Variants in PLCG2 observed in about 807,000 individuals in gnomAD.
PLCG2 encodes phospholipase C gamma 2.
Under a neutral mutation model 175.6 loss-of-function variants are expected in PLCG2, and 69 were observed. That is an observed-to-expected ratio of 0.39 (90% confidence interval 0.32 to 0.48). PLCG2 has a LOEUF of 0.48. Ranked by LOEUF, PLCG2 falls within the 20% of genes least tolerant of loss-of-function variation. The pLI is 0.91. For missense variants in PLCG2, 1,798 were observed against 1,650.9 expected, an observed-to-expected ratio of 1.09 and a Z score of -1.54; for synonymous variants, 827 against 624.0, an observed-to-expected ratio of 1.33 and a Z score of -4.85.
chr16:81,790,110 A>G (rs192661383), intron 2 of PLCG2, among the ~76,000 whole-genome samples: 20 of 152,170 alleles, frequency 1.3e-4, no homozygotes, highest in Non-Finnish European at 2.9e-4. Context: ...CCACAGGCTC[A>G]TGGTTGGGAA....
chr16:81,804,593 C>A (rs1236439439), intron 2 of PLCG2, among the ~76,000 whole-genome samples: 3 of 152,192 alleles, frequency 2.0e-5, no homozygotes, highest in Non-Finnish European at 4.4e-5. Flanking sequence ...AAGTTAGTAA[C>A]CTGTCTTAGT....
intron 2 of PLCG2, among the ~76,000 whole-genome samples, chr16:81,810,440 A>G (rs975844165): frequency 3.3e-5 from 5 of 152,036 alleles, no homozygotes; most frequent in African/African-American, 1.2e-4. Flanking sequence ...GCTCCAACTT[A>G]TTTGCAACCT....
At chr16:81,907,634 G>T in intron 15 of PLCG2, 51 bp from the exon 16 acceptor site, 4 of 1,355,800 alleles carry the variant, frequency 3.0e-6, no homozygotes, top group Non-Finnish European at 4.2e-6. Flanking sequence ...GGGCTCCACA[G>T]TTGATGAGGT....
At chr16:81,936,813 GC>G (rs1910734757) in intron 27 of PLCG2, among the ~76,000 whole-genome samples, 1 of 152,158 alleles carries the variant, frequency 6.6e-6, no homozygotes, top group South Asian at 2.1e-4. Context: ...GGGGCTTTGT[GC>G]TTTTGTTGTT....
chr16:81,935,920 A>AG (rs1425216425), intron 26 of PLCG2: 9 of 984,820 alleles, frequency 9.1e-6, no homozygotes, highest in Non-Finnish European at 1.1e-5. Flanking sequence ...TAAAAAAAAA[A>AG]GTAAATTACA....
intron 31 of PLCG2, among the ~76,000 whole-genome samples, chr16:81,953,540 A>C (rs1911451071): frequency 1.3e-5 from 2 of 152,322 alleles, no homozygotes; most frequent in African/African-American, 2.4e-5. Context: ...AGTGCCATAA[A>C]GATTTTGTCT....
chr16:81,778,028 A>AAAC (rs1555505428), upstream of PLCG2, among the ~76,000 whole-genome samples: 112 of 63,644 alleles, frequency 1.8e-3, 2 homozygotes, highest in African/African-American at 8.3e-3. Flanking sequence ...AAAAAAAAAA[A>AAAC]AAACAAAAAA....
At position 81,779,888 on chromosome 16, in the gene PLCG2, C is replaced by T. The variant is rs556508609; in HGVS notation, c.-48+464C>T. On this transcript the variant is annotated intron_variant, in intron 1 of 32. Transcript: ENST00000564138. Reference sequence around the variant, plus strand: ...CGGGTGGGAGCGATACCGCGGGAGGCGCAGTCCTTCCCGGAGACTTTTGGA... The same window carrying T: ...CGGGTGGGAGCGATACCGCGGGAGGTGCAGTCCTTCCCGGAGACTTTTGGA... 2.6e-5 allele frequency among the ~76,000 whole-genome samples: 4 copies of T among 152,340 alleles called. No individual in the cohort carries two copies. In the East Asian group the frequency reaches 5.8e-4, roughly 22 times the overall value.
intron 1 of PLCG2, among the ~76,000 whole-genome samples, chr16:81,781,013 G>C (rs1405480152): frequency 1.3e-5 from 2 of 149,256 alleles, no homozygotes; most frequent in Admixed American, 6.8e-5. Flanking sequence ...GGTGACAAGA[G>C]AGACTCCATC....
At chr16:81,746,439 A>T (rs1567691871) in intron 1 of PLCG2, among the ~76,000 whole-genome samples, 1 of 152,218 alleles carries the variant, frequency 6.6e-6, no homozygotes, top group African/African-American at 2.4e-5. Flanking sequence ...GCTGGGGCAG[A>T]GTGAGCACCC....
At chr16:81,877,948 T>C (rs1033626806) in intron 7 of PLCG2, among the ~76,000 whole-genome samples, 1 of 148,342 alleles carries the variant, frequency 6.7e-6, no homozygotes, top group Admixed American at 6.8e-5. Context: ...CTTCTCTGTC[T>C]CCAAATCTCC....
intron 5 of PLCG2, among the ~76,000 whole-genome samples, chr16:81,865,629 G>C (rs180870043): frequency 1.9e-4 from 29 of 152,336 alleles, no homozygotes; most frequent in African/African-American, 7.0e-4. Context: ...CCTTTGCCCT[G>C]CTGCTGTCTG....
rs148759709 is a variant in PLCG2 at position 81,882,138 on chromosome 16, C to G, written c.693-1131C>G. Among the ~76,000 whole-genome samples the G allele has an allele frequency of 5.8e-3, 882 of 152,270 alleles. 9 individuals are homozygous for G. The highest frequency in any genetic ancestry group is 0.02 in the African/African-American group (838 of 41,550). On this transcript the variant is annotated intron_variant, in intron 8 of 32. Transcript: ENST00000564138. ...GAAATAGACCTCTTTTCCCCAGGCT[C>G]CTGCAAGTGCTCAGGGAAACATACC...
At chr16:81,906,577 C>A (rs1909378453) in intron 15 of PLCG2, among the ~76,000 whole-genome samples, 1 of 152,198 alleles carries the variant, frequency 6.6e-6, no homozygotes, top group Non-Finnish European at 1.5e-5. Flanking sequence ...ATGTGCACCA[C>A]CATGCCCTGC....
Position 81,939,942 on chromosome 16 carries a change from T to G in PLCG2, c.3364T>G (p.Phe1122Val), listed in dbSNP as rs764898041. ...GGCTCCAACACAGGAGAAGGTGACATTTGAAATTTATGACCCAAACCTGGC... is the reference window on the plus strand; with the variant it reads ...GGCTCCAACACAGGAGAAGGTGACAGTTGAAATTTATGACCCAAACCTGGC... The part of the protein sequence containing the change: ...IWAPTQEKVT[F>V]EIYDPNLAFL... Residue 1122 changes from phenylalanine (F) to valine (V), a missense_variant, in exon 30 of 33, where the codon TTT (phenylalanine) becomes GTT (valine). Physicochemically the swap from Phe to Val is conservative, Grantham distance 50. Transcript: ENST00000564138. 1 of 1,613,954 alleles carries G rather than the reference T, an allele frequency of 6.2e-7. No homozygotes were observed. The highest frequency in any genetic ancestry group is 2.2e-5 in the East Asian group (1 of 44,872).
chr16:81,793,429 G>A (rs1244126855), intron 2 of PLCG2, among the ~76,000 whole-genome samples: 4 of 152,194 alleles, frequency 2.6e-5, no homozygotes, highest in East Asian at 3.8e-4. Context: ...CTCAGGAGCC[G>A]ATGTGGTGCC....
At chr16:81,957,416 C>T (rs1364593857) in intron 32 of PLCG2, among the ~76,000 whole-genome samples, 1 of 152,206 alleles carries the variant, frequency 6.6e-6, no homozygotes, top group South Asian at 2.1e-4. Context: ...CTAAGTAGAA[C>T]TGTTTCCTCT....
chr16:81,900,750 C>T lies in PLCG2; in HGVS notation c.1332C>T (p.Pro444=). The T allele has an allele frequency of 6.2e-7, 1 of 1,604,156 alleles. No individual in the cohort carries two copies. Among genetic ancestry groups the T allele is most frequent in the South Asian group, 1.1e-5 (1 of 90,828 alleles). ...TEASADQLPS[P]SQLREKIIIK... is the part of the protein sequence containing the mutation. ...CCAGTGCTGACCAGCTGCCCTCGCC[C>T]AGCCAGCTGCGGGAGAAGATCATCA... Residue 444 remains proline (P), a synonymous_variant, in exon 14 of 33, where the codon CCC becomes CCT. Transcript: ENST00000564138.
chr16:81,882,927 A>G lies in PLCG2; in HGVS notation c.693-342A>G, dbSNP rs188636236. Among the ~76,000 whole-genome samples, 370 of 151,456 alleles carry G rather than the reference A, an allele frequency of 2.4e-3. 3 individuals carry two copies. The highest frequency in any genetic ancestry group is 8.5e-3 in the African/African-American group (349 of 41,226). On this transcript the variant is annotated intron_variant, in intron 8 of 32. Transcript: ENST00000564138. ...TCCCTTCCCACCCTCATCTCTTGCT[A>G]CACTGTATCCCATATGCCTGGTTCA... is the stretch of plus-strand genomic sequence containing the variant.
Sources: allele counts gnomAD v4.1 joint callset (sites outside exome capture counted in the v4.1 genomes callset), GRCh38; gene constraint gnomAD v4.1.1; transcripts MANE v1.5; gene names NCBI Gene and HGNC (gene_info 2026-07-23, HGNC 2026-07-21).